The following GCNA variants were observed in gnomAD, a reference collection of about 807,000 sequenced individuals.
The protein encoded by GCNA is germ cell nuclear acidic protein.
In GCNA, 3 loss-of-function variants were observed where a neutral mutation model predicts 38.8. That is an observed-to-expected ratio of 0.08 (90% CI 0.04 to 0.20). The LOEUF (loss-of-function observed/expected upper bound fraction) is 0.20, where lower values mean the gene tolerates loss of function less well. GCNA is among the 10% of genes least tolerant of loss of function. The probability of loss-of-function intolerance (pLI) is 1.00; values close to 1 mark genes in which losing one functional copy is unlikely to be tolerated. For synonymous variants in GCNA, 195 were observed against 240.2 expected (o/e 0.81, Z 1.74); for missense variants, 446 against 578.6 (o/e 0.77, Z 2.35).
rs142937775 is a variant in GCNA, at chrX:71,612,963, G to A, written c.2057G>A (p.Arg686His). Residue 686 changes from arginine to histidine, a missense_variant, in exon 13 of 13, where the codon CGT (arginine) becomes CAT (histidine). Transcript: ENST00000373696. ...MVPLTQKDGT[R>H]IVPHV ...CCATTAACTCAGAAAGATGGGACCCGTATTGTGCCCCACGTGTGACCATTT... is the reference window on the plus strand; with the variant it reads ...CCATTAACTCAGAAAGATGGGACCCATATTGTGCCCCACGTGTGACCATTT... 1.0e-4 allele frequency: 126 copies of A among 1,209,853 alleles called. No individual in the cohort carries two copies. The highest frequency in any genetic ancestry group is 9.1e-4 in the Middle Eastern group (4 of 4,374).
rs779423868 is a variant in GCNA, at chrX:71,582,270, CAA to C, written c.59+1407_59+1408del. Among the ~76,000 whole-genome samples, 261 of 65,175 alleles carry C rather than the reference CAA, an allele frequency of 4.0e-3. 1 individual carries two copies. In the East Asian group the frequency reaches 0.042, roughly 11 times the overall value. The allele number at this position is 65,175 out of a possible 115,157, so 56.6% of individuals were successfully genotyped here. A position where few individuals can be genotyped will look rare whatever the true frequency, so the allele number is the denominator to read the frequency against. On this transcript the variant is annotated intron_variant, in intron 2 of 12. Coordinates refer to ENST00000373696, the MANE Select transcript of GCNA (RefSeq NM_052957.5). Reference sequence around the variant, plus strand: ...CCTCTGCAACCCGAGACCCTCTCTCCAAAAAAAAAAAAAAAAAATCAGCTTTT... The same window carrying C: ...CCTCTGCAACCCGAGACCCTCTCTCCAAAAAAAAAAAAAAAATCAGCTTTT...
intron 2 of GCNA, among the ~76,000 whole-genome samples, chrX:71,588,774 C>T (rs1159637747): frequency 2.0e-4 from 22 of 111,576 alleles, no homozygotes; most frequent in Non-Finnish European, 1.9e-5. Context: ...TTGCAGTGAA[C>T]CAAGATCGCG....
intron 2 of GCNA, among the ~76,000 whole-genome samples, chrX:71,584,804 C>T (rs958665367): frequency 3.4e-4 from 38 of 110,302 alleles, no homozygotes; most frequent in Non-Finnish European, 6.5e-4. Flanking sequence ...GGAGGCAGAG[C>T]TTGCAGTGAG....
rs776205116 is a variant in GCNA, at chrX:71,609,138, C to G, written c.1611+21C>G. 7 of 1,184,888 alleles carry G rather than the reference C, an allele frequency of 5.9e-6. No homozygotes were observed. The African/African-American group carries it at 1.1e-4, about 18-fold the overall frequency. ...AAAAGGTAGGATCAATGAATGAGCACTGATTGAGCACCTGCTATACACCAG... is the reference window on the plus strand; with the variant it reads ...AAAAGGTAGGATCAATGAATGAGCAGTGATTGAGCACCTGCTATACACCAG... On this transcript the variant is annotated intron_variant, in intron 10 of 12. Transcript: ENST00000373696.
In GCNA at chrX:71,612,882, C is replaced by G. The variant is rs756204489; in HGVS notation, c.1976C>G (p.Ser659Trp). The change falls in exon 13 of 13, where the codon TCG (serine) becomes TGG (tryptophan). Residue 659 changes from serine to tryptophan, a missense_variant. By Grantham distance (177) the Ser-to-Trp change is radical (BLOSUM62 -3). This residue lies in a region of GCNA where 34 missense variants were observed against 33.2 expected (regional missense o/e 1.02). Coordinates refer to ENST00000373696, the MANE Select transcript of GCNA (RefSeq NM_052957.5). ...CKTRIGCYTK[S>W]LDTSRFICAK... Reference sequence around the variant, plus strand: ...CCCAGGATTGGCTGCTACACCAAATCGTTGGACACCAGCCGCTTCATCTGT... The same window carrying G: ...CCCAGGATTGGCTGCTACACCAAATGGTTGGACACCAGCCGCTTCATCTGT... 131 of 1,209,285 alleles carry G rather than the reference C, an allele frequency of 1.1e-4. No homozygotes were observed. Among genetic ancestry groups the G allele is most frequent in the Non-Finnish European group, 5.4e-5 (48 of 895,000 alleles).
At position 71,581,640 on chromosome X, in the gene GCNA, G is replaced by A. The variant is rs1041491216; in HGVS notation, c.59+760G>A. Among the ~76,000 whole-genome samples the A allele has an allele frequency of 8.0e-5, 9 of 112,002 alleles. No homozygotes were observed. The East Asian group carries it at 2.5e-3, about 31-fold the overall frequency. ...TCAACAAACCATTTGAGGATAACTGGCTAACCATTTGGAAAAAAATGAGAC... is the reference window on the plus strand; with the variant it reads ...TCAACAAACCATTTGAGGATAACTGACTAACCATTTGGAAAAAAATGAGAC... On this transcript the variant is annotated intron_variant, in intron 2 of 12. Coordinates refer to ENST00000373696, the MANE Select transcript of GCNA (RefSeq NM_052957.5).
At chrX:71,589,322 G>A (rs996785497) in intron 2 of GCNA, among the ~76,000 whole-genome samples, 5 of 107,162 alleles carry the variant, frequency 4.7e-5, no homozygotes, top group African/African-American at 1.7e-4. Flanking sequence ...TATTTCCCAG[G>A]CCAGAGTACA....
intron 9 of GCNA, among the ~76,000 whole-genome samples, chrX:71,606,423 A>G (rs757087007): frequency 9.3e-4 from 104 of 112,348 alleles, no homozygotes; most frequent in South Asian, 2.9e-3. Flanking sequence ...AAATTAATAT[A>G]TTTTCTTATT....
chrX:71,604,817 T>A (rs748255116), intron 8 of GCNA, 141 bp downstream of exon 8: 1 of 857,924 alleles, frequency 1.2e-6, no homozygotes, highest in Non-Finnish European at 1.6e-6. Flanking sequence ...GAGGCATCCA[T>A]CCCAGTGCAA....
Position 71,604,602 on chromosome X carries a change from A to C in GCNA, c.1325A>C (p.Gln442Pro). The C allele has an allele frequency of 8.3e-7, 1 of 1,202,237 alleles. No individual in the cohort carries two copies. Residue 442 changes from glutamine (Q) to proline (P), a missense_variant, in exon 8 of 13, where the codon CAG becomes CCG. Around this residue, in one of 7 missense-constraint regions of GCNA, gnomAD observed 160 missense variants for 165.2 expected, o/e 0.97. Coordinates refer to ENST00000373696, the MANE Select transcript of GCNA (RefSeq NM_052957.5). ...ATAGTGGAGCCACCAAGGAAAAGGC[A>C]GACAAAGACCAAAAATATAGTGGAG... ...KNIVEPPRKR[Q>P]TKTKNIVEPL...
intron 11 of GCNA, 61 bp from the exon 12 acceptor site, chrX:71,612,283 GAAAAAAAAAAA>G (rs756270122): frequency 5.4e-5 from 16 of 294,889 alleles, no homozygotes; most frequent in Middle Eastern, 1.1e-3. Context: ...CTCAAAAAAG[GAAAAAAAAAAA>G]AAAAAAAAAA....
chrX:71,586,790 A>G (rs1422358021), intron 2 of GCNA, among the ~76,000 whole-genome samples: 1 of 111,121 alleles, frequency 9.0e-6, no homozygotes, highest in Admixed American at 9.6e-5. Context: ...TTGTATTTTT[A>G]GTAGAGACGG....
rs200264438 is a variant in GCNA at position 71,604,201 on chromosome X, G to C, written c.924G>C (p.Lys308Asn). 4.1e-5 allele frequency: 50 copies of C among 1,209,013 alleles called. No individual in the cohort carries two copies. The highest frequency in any genetic ancestry group is 5.1e-5 in the Non-Finnish European group (46 of 894,539). The change falls in exon 8 of 13, where the codon AAG (lysine) becomes AAC (asparagine). Residue 308 changes from lysine (K) to asparagine (N), a missense_variant. Around this residue, in one of 7 missense-constraint regions of GCNA, gnomAD observed 160 missense variants for 165.2 expected, o/e 0.97. Transcript: ENST00000373696. ...SSDDSEAPDD[K>N]SDDSDVPEDK... The stretch of plus-strand genomic sequence containing the variant: ...ATGATTCGGAAGCTCCCGACGACAA[G>C]AGTGATGATTCGGATGTTCCCGAAG...
intron 12 of GCNA, 45 bp downstream of exon 12, chrX:71,612,604 C>T: frequency 9.2e-7 from 1 of 1,088,275 alleles, no homozygotes; most frequent in South Asian, 2.0e-5. Context: ...TTGCTGGGGC[C>T]TCCAAGTGGC....
At chrX:71,585,332 A>C (rs1201265655) in intron 2 of GCNA, among the ~76,000 whole-genome samples, 1 of 110,236 alleles carries the variant, frequency 9.1e-6, no homozygotes, top group Non-Finnish European at 1.9e-5. Flanking sequence ...GAAAAAAAAA[A>C]ACAAAGCAAA....
chrX:71,586,446 G>T (rs1192953569), intron 2 of GCNA, among the ~76,000 whole-genome samples: 1 of 111,005 alleles, frequency 9.0e-6, no homozygotes, highest in Non-Finnish European at 1.9e-5. Context: ...CTTGCAGATG[G>T]GTTGGATATG....
chrX:71,578,839 G>A (rs944539261), intron 1 of GCNA, among the ~76,000 whole-genome samples: 1 of 109,832 alleles, frequency 9.1e-6, no homozygotes, highest in Non-Finnish European at 1.9e-5. Flanking sequence ...GAGAAGGGGC[G>A]CTGGTGGCGT....
intron 2 of GCNA, among the ~76,000 whole-genome samples, chrX:71,591,211 C>T (rs1216284396): frequency 1.8e-5 from 2 of 111,202 alleles, no homozygotes; most frequent in Non-Finnish European, 1.9e-5. Flanking sequence ...AGTGGATGTC[C>T]AGCCGGCTGC....
chrX:71,599,833 A>C (rs2040699454), intron 7 of GCNA, among the ~76,000 whole-genome samples: 1 of 112,015 alleles, frequency 8.9e-6, no homozygotes, highest in South Asian at 3.7e-4. Flanking sequence ...AAATCTTTTA[A>C]GTTTTCTAGG....
Sources: gnomAD v4.1 joint callset for allele counts (sites outside exome capture counted in the v4.1 genomes callset) on GRCh38, gnomAD v4.1.1 for gene constraint, gnomAD v4.1.1 regional missense constraint, MANE v1.5 for transcripts, NCBI Gene and HGNC (gene_info 2026-07-23, HGNC 2026-07-21) for gene names.